The following ZNF680 variants were observed in gnomAD, a reference collection of about 807,000 sequenced individuals.
ZNF680 encodes the protein hypothetical protein FLJ90430.
A neutral mutation model predicts 12.1 loss-of-function variants in ZNF680; 6 were observed. The observed-to-expected ratio is 0.49, with a 90% CI of 0.27 to 0.98. The LOEUF is 0.98. ZNF680 is among the 50% of genes least tolerant of loss of function. The pLI is 0.12. For missense variants in ZNF680, 561 were observed against 616.3 expected (o/e 0.91, Z 0.95); for synonymous variants, 170 against 199.3 (o/e 0.85, Z 1.24).
At chr7:64,550,456 G>A (rs563521599) in intron 1 of ZNF680, among the ~76,000 whole-genome samples, 1 of 152,246 alleles carries the variant, frequency 6.6e-6, no homozygotes, top group Non-Finnish European at 1.5e-5. Flanking sequence ...TCAAGATCCC[G>A]ATTCAGAATC....
intron 1 of ZNF680, among the ~76,000 whole-genome samples, chr7:64,550,259 T>C (rs1562770142): frequency 6.6e-6 from 1 of 152,226 alleles, no homozygotes; most frequent in Admixed American, 6.5e-5. Flanking sequence ...GGTTATAGTG[T>C]CCAGTGTGGA....
chr7:64,522,124 G>T lies in ZNF680; in HGVS notation c.630C>A (p.Tyr210Ter). The T allele has an allele frequency of 1.2e-6, 2 of 1,611,318 alleles. No individual in the cohort carries two copies. The highest frequency in any genetic ancestry group is 8.5e-7 in the Non-Finnish European group (1 of 1,178,624). The change falls in exon 4 of 4, where the codon TAC becomes TAA. Residue 210 changes from tyrosine (Y) to a stop codon, truncating the protein, a stop_gained. Transcript: ENST00000309683. LOFTEE classifies it low-confidence loss of function (END_TRUNC). Reference protein sequence around the residue: ...HIRIHTRENSYKCEECGKVLN... With the variant: ...HIRIHTRENS ...GAACTTTGCCACATTCCTCACATTTGTAAGAATTCTCTCTAGTGTGAATTC... is the reference window on the plus strand; with the variant it reads ...GAACTTTGCCACATTCCTCACATTTTTAAGAATTCTCTCTAGTGTGAATTC...
At chr7:64,501,714 C>CA in the ZNF680 span, 3 of 1,032,486 alleles carry the variant, frequency 2.9e-6, no homozygotes, top group Non-Finnish European at 4.5e-6. Flanking sequence ...GCGCCAATGG[C>CA]AAAAATGACT....
chr7:64,515,941 C>T (rs573707017), downstream of ZNF680, among the ~76,000 whole-genome samples: 9 of 152,104 alleles, frequency 5.9e-5, no homozygotes, highest in East Asian at 1.7e-3. Flanking sequence ...CTGGGCCAAG[C>T]TAAGCAGCAT....
intron 1 of ZNF680, 53 bp downstream of exon 1, chr7:64,562,871 AC>A (rs1787821963): frequency 6.2e-7 from 1 of 1,608,578 alleles, no homozygotes; most frequent in African/African-American, 1.3e-5. Context: ...GCCACTTCCG[AC>A]CGGTTCCAAC....
chr7:64,508,121 ATG>A, the ZNF680 span, among the ~76,000 whole-genome samples: 1 of 90,406 alleles, frequency 1.1e-5, no homozygotes, highest in East Asian at 2.7e-4. Flanking sequence ...ATATTTTAAA[ATG>A]TATATATATA....
At chr7:64,562,792 AGCTGC>A in intron 1 of ZNF680, 128 bp downstream of exon 1, 1 of 986,944 alleles carries the variant, frequency 1.0e-6, no homozygotes. Flanking sequence ...CTGAGGACCG[AGCTGC>A]GCCAAGGACA....
At chr7:64,513,334 A>G in the ZNF680 span, among the ~76,000 whole-genome samples, 1 of 151,906 alleles carries the variant, frequency 6.6e-6, no homozygotes, top group African/African-American at 2.4e-5. Context: ...AAAAGCTTTA[A>G]GCAAATTGTA....
chr7:64,539,157 A>C (rs1786345118), intron 3 of ZNF680, among the ~76,000 whole-genome samples: 1 of 149,854 alleles, frequency 6.7e-6, no homozygotes, highest in Non-Finnish European at 1.5e-5. Flanking sequence ...AAAAGCCAAA[A>C]TGCTGAAGCA....
the ZNF680 span, among the ~76,000 whole-genome samples, chr7:64,502,787 G>A: frequency 6.6e-6 from 1 of 152,176 alleles, no homozygotes; most frequent in Middle Eastern, 3.4e-3. Context: ...CATATATCCT[G>A]AAGAATCAAA....
At chr7:64,557,570 CAA>C (rs71055243) in intron 1 of ZNF680, among the ~76,000 whole-genome samples, 2 of 150,778 alleles carry the variant, frequency 1.3e-5, no homozygotes, top group African/African-American at 4.9e-5. Flanking sequence ...AACAAAAAAA[CAA>C]AAAAAAACAA....
chr7:64,547,511 G>C (rs554005071), intron 1 of ZNF680, among the ~76,000 whole-genome samples: 3 of 152,160 alleles, frequency 2.0e-5, no homozygotes, highest in Admixed American at 6.5e-5. Context: ...CATTGTGCTG[G>C]GAAAAATACA....
At chr7:64,527,329 A>G (rs1329642954) in intron 3 of ZNF680, among the ~76,000 whole-genome samples, 1 of 152,174 alleles carries the variant, frequency 6.6e-6, no homozygotes, top group Non-Finnish European at 1.5e-5. Context: ...ACATAAAACA[A>G]TAACAATAAA....
chr7:64,505,668 G>C, the ZNF680 span, among the ~76,000 whole-genome samples: 63 of 152,196 alleles, frequency 4.1e-4, no homozygotes, highest in African/African-American at 1.4e-3. Context: ...CTTTCATCCA[G>C]GTTGTTTCTT....
intron 1 of ZNF680, among the ~76,000 whole-genome samples, chr7:64,554,104 G>C (rs1290506054): frequency 6.8e-6 from 1 of 147,716 alleles, no homozygotes. Flanking sequence ...AGTGAGGAGC[G>C]CCTCTTCCCG....
At chr7:64,502,336 T>C in the ZNF680 span, among the ~76,000 whole-genome samples, 1 of 151,038 alleles carries the variant, frequency 6.6e-6, no homozygotes, top group African/African-American at 2.4e-5. Context: ...ATCAACTGTC[T>C]CCAAAATTAT....
At chr7:64,510,897 G>A in the ZNF680 span, among the ~76,000 whole-genome samples, 3 of 135,294 alleles carry the variant, frequency 2.2e-5, no homozygotes, top group South Asian at 2.5e-4. Flanking sequence ...GCGACAGAGC[G>A]AGACTCCGTC....
In ZNF680 at chr7:64,521,789, A is replaced by C. The variant is rs557997525; in HGVS notation, c.965T>G (p.Phe322Cys). The C allele has an allele frequency of 6.2e-7, 1 of 1,605,576 alleles. No individual in the cohort carries two copies. Among genetic ancestry groups the C allele is most frequent in the Non-Finnish European group, 8.5e-7 (1 of 1,177,140 alleles). ...GTCTTTGCCACATTCTTCACATTTG[A>C]AGGGTTTCTCTCCAGTATGAATTCT... The part of the protein sequence containing the change: ...HKRIHTGEKP[F>C]KCEECGKDFN... Residue 322 changes from phenylalanine to cysteine, a missense_variant, in exon 4 of 4, where the codon TTC becomes TGC. Physicochemically the swap from Phe to Cys is radical, Grantham distance 205 (BLOSUM62 -2). Coordinates refer to ENST00000309683, the MANE Select transcript of ZNF680 (RefSeq NM_178558.5).
chr7:64,528,299 C>T (rs1562743873), intron 3 of ZNF680, among the ~76,000 whole-genome samples: 1 of 152,124 alleles, frequency 6.6e-6, no homozygotes, highest in African/African-American at 2.4e-5. Context: ...GAGAAGCCTC[C>T]GGGCCAGAAC....
Sources: allele counts gnomAD v4.1 joint callset (sites outside exome capture counted in the v4.1 genomes callset), GRCh38; gene constraint gnomAD v4.1.1; transcripts MANE v1.5; gene names NCBI Gene and HGNC (gene_info 2026-07-23, HGNC 2026-07-21).